The following FHOD3 variants were observed in gnomAD, a reference collection of about 807,000 sequenced individuals.
FHOD3 encodes the protein FH1/FH2 domain-containing protein 3.
Under a neutral mutation model 173.0 loss-of-function variants are expected in FHOD3, and 90 were observed. The observed-to-expected ratio is 0.52, with a 90% CI of 0.44 to 0.62. FHOD3 has a LOEUF of 0.62. Among genes scored for constraint, FHOD3 ranks in the 20% least tolerant of loss-of-function variants. FHOD3 has a pLI of 0.00. For synonymous variants in FHOD3, 828 were observed against 823.0 expected, an observed-to-expected ratio of 1.01 and a Z score of -0.10; for missense variants, 1,945 against 2,034.7, an observed-to-expected ratio of 0.96 and a Z score of 0.85.
At chr18:36,776,132 C>A (rs1177564111) in intron 28 of FHOD3, among the ~76,000 whole-genome samples, 1 of 151,678 alleles carries the variant, frequency 6.6e-6, no homozygotes, top group African/African-American at 2.4e-5. Context: ...CATTTCATAC[C>A]CTGCCAGCAC....
At chr18:36,615,322 T>A (rs1320456880) in intron 9 of FHOD3, among the ~76,000 whole-genome samples, 1 of 152,182 alleles carries the variant, frequency 6.6e-6, no homozygotes, top group Non-Finnish European at 1.5e-5. Flanking sequence ...TATTTCCTAT[T>A]TCCACTTATA....
chr18:36,493,516 C>T (rs540728712), intron 3 of FHOD3, among the ~76,000 whole-genome samples: 65 of 152,234 alleles, frequency 4.3e-4, no homozygotes, highest in South Asian at 2.3e-3. Flanking sequence ...ACTTGGGTTG[C>T]GTGCTTCCTG....
chr18:36,695,743 A>G (rs2039246617), intron 17 of FHOD3, among the ~76,000 whole-genome samples: 1 of 152,212 alleles, frequency 6.6e-6, no homozygotes, highest in Non-Finnish European at 1.5e-5. Context: ...CTTTGTAGAC[A>G]TTGGCCTTTA....
At chr18:36,447,167 G>GA (rs1237810969) in intron 3 of FHOD3, among the ~76,000 whole-genome samples, 1 of 152,212 alleles carries the variant, frequency 6.6e-6, no homozygotes, top group Non-Finnish European at 1.5e-5. Flanking sequence ...AGGAAGAGTT[G>GA]AGGGAGGGCC....
intron 3 of FHOD3, among the ~76,000 whole-genome samples, chr18:36,428,331 G>A (rs1040477876): frequency 3.9e-5 from 6 of 152,146 alleles, no homozygotes; most frequent in Non-Finnish European, 7.3e-5. Flanking sequence ...AAGCGTTAAA[G>A]GATTTTTTGT....
chr18:36,514,093 C>A (rs1326330442), intron 5 of FHOD3, among the ~76,000 whole-genome samples: 2 of 146,496 alleles, frequency 1.4e-5, no homozygotes, highest in Non-Finnish European at 3.0e-5. Context: ...ACTGCAAGCT[C>A]CGCCTCCCGG....
At chr18:36,337,756 CT>C (rs1468032078) in intron 1 of FHOD3, among the ~76,000 whole-genome samples, 26 of 152,294 alleles carry the variant, frequency 1.7e-4, no homozygotes, top group African/African-American at 4.8e-4. Flanking sequence ...AGGGACCAGT[CT>C]TTAATTATAG....
chr18:36,435,273 T>G (rs927491643), intron 3 of FHOD3, among the ~76,000 whole-genome samples: 1 of 152,132 alleles, frequency 6.6e-6, no homozygotes, highest in African/African-American at 2.4e-5. Context: ...CTAAATAAAC[T>G]GCTAAAACCA....
chr18:36,482,844 CACTCACACACACACAGAGAGAGAGAG>C (rs1227763325), intron 3 of FHOD3, among the ~76,000 whole-genome samples: 4 of 79,652 alleles, frequency 5.0e-5, no homozygotes, highest in Non-Finnish European at 9.9e-5. Context: ...CACACACACA[CACTCACACACACACAGAGAGAGAGAG>C]AGAGAGAGAG....
At position 36,549,137 on chromosome 18, in the gene FHOD3, C is replaced by T. The variant is rs151335663; in HGVS notation, c.512-27314C>T. Among the ~76,000 whole-genome samples, 77 of 152,290 alleles carry T rather than the reference C, an allele frequency of 5.1e-4. No homozygotes were observed. In the East Asian group the frequency reaches 7.7e-3, roughly 15 times the overall value. On this transcript the variant is annotated intron_variant, in intron 5 of 28. Transcript: ENST00000590592. ...CATTCTACTAGGTAAGTAGTGGTAC[C>T]TCACTGGGGTTTTAATTGGCATTTG... is the stretch of plus-strand genomic sequence containing the variant.
chr18:36,718,018 C>T lies in FHOD3; in HGVS notation c.2720C>T (p.Thr907Ile), dbSNP rs1254168808. Residue 907 changes from threonine to isoleucine, a missense_variant, in exon 19 of 29, where the codon ACC becomes ATC. Physicochemically the swap from Thr to Ile is moderately conservative, Grantham distance 89. Around this residue, in one of 5 missense-constraint regions of FHOD3, gnomAD observed 1,099 missense variants for 1,051.2 expected, o/e 1.05. Coordinates refer to ENST00000590592, the MANE Select transcript of FHOD3 (RefSeq NM_001281740.3). ...QEAEAVASLA[T>I]RISTLQANSQ... ...GCAGAGGCGGTAGCCAGCCTTGCTA[C>T]CAGGATATCCACCCTGCAGGCCAAC... is the stretch of plus-strand genomic sequence containing the variant. 2 of 1,608,004 alleles carry T rather than the reference C, an allele frequency of 1.2e-6. No individual in the cohort carries two copies. Among genetic ancestry groups the T allele is most frequent in the Non-Finnish European group, 1.7e-6 (2 of 1,177,082 alleles).
chr18:36,742,620 G>A, intron 21 of FHOD3, 117 bp from the exon 22 acceptor site: 2 of 1,140,514 alleles, frequency 1.8e-6, no homozygotes, highest in South Asian at 1.5e-5. Context: ...CCCATCGCGG[G>A]GGATTGCCTT....
intron 3 of FHOD3, among the ~76,000 whole-genome samples, chr18:36,466,289 A>C (rs990863104): frequency 6.6e-6 from 1 of 152,054 alleles, no homozygotes; most frequent in Non-Finnish European, 1.5e-5. Context: ...ATGGGATTCC[A>C]CTCATCTGGC....
intron 3 of FHOD3, among the ~76,000 whole-genome samples, chr18:36,383,433 G>T (rs1258678585): frequency 6.6e-6 from 1 of 152,128 alleles, no homozygotes; most frequent in Non-Finnish European, 1.5e-5. Context: ...TCCATTTATC[G>T]TCCTGACACA....
At chr18:36,595,329 C>T (rs2030149216) in intron 7 of FHOD3, among the ~76,000 whole-genome samples, 2 of 152,094 alleles carry the variant, frequency 1.3e-5, no homozygotes, top group African/African-American at 2.4e-5. Flanking sequence ...TTACTCAGGC[C>T]CTCACTAGGT....
intron 3 of FHOD3, among the ~76,000 whole-genome samples, chr18:36,452,958 A>G (rs1452530795): frequency 2.0e-5 from 3 of 152,010 alleles, no homozygotes; most frequent in African/African-American, 7.2e-5. Flanking sequence ...CATCTCGGCT[A>G]TTGTAAACAT....
At chr18:36,649,112 A>C (rs2035876753) in intron 10 of FHOD3, among the ~76,000 whole-genome samples, 1 of 151,266 alleles carries the variant, frequency 6.6e-6, no homozygotes. Flanking sequence ...AAAGTCCCAC[A>C]TTTCAGAACT....
chr18:36,373,059 G>T (rs2047269961), intron 3 of FHOD3, among the ~76,000 whole-genome samples: 1 of 152,126 alleles, frequency 6.6e-6, no homozygotes, highest in Non-Finnish European at 1.5e-5. Flanking sequence ...TGATCTTCAC[G>T]TGCCTCCTGG....
At chr18:36,694,093 G>T (rs913751459) in intron 17 of FHOD3, among the ~76,000 whole-genome samples, 2 of 152,160 alleles carry the variant, frequency 1.3e-5, no homozygotes, top group Non-Finnish European at 2.9e-5. Context: ...CATACTGTGG[G>T]TCCGTTTTCT....
Sources: allele counts gnomAD v4.1 joint callset (sites outside exome capture counted in the v4.1 genomes callset), GRCh38; gene constraint gnomAD v4.1.1; regional missense constraint gnomAD v4.1.1; transcripts MANE v1.5; gene names NCBI Gene and HGNC (gene_info 2026-07-23, HGNC 2026-07-21).